The following SKIC8 variants were observed in gnomAD, a reference collection of about 807,000 sequenced individuals.
The protein encoded by SKIC8 is SKI8 subunit of superkiller complex.
the SKIC8 span, chr15:78,290,225 A>G: frequency 2.0e-6 from 2 of 1,017,770 alleles, no homozygotes; most frequent in Middle Eastern, 2.3e-4. Context: ...TCAGAAAATT[A>G]TGTTGTAAAG....
the SKIC8 span, chr15:78,289,609 T>G: frequency 1.3e-6 from 2 of 1,593,432 alleles, no homozygotes. Flanking sequence ...AATAAGATGA[T>G]GATATATACC....
At chr15:78,293,091 C>G in the SKIC8 span, 40 of 1,290,826 alleles carry the variant, frequency 3.1e-5, no homozygotes, top group East Asian at 3.5e-4. Context: ...ATTTCCCGGA[C>G]TGCAACTGGA....
At chr15:78,299,168 C>T in the SKIC8 span, among the ~76,000 whole-genome samples, 65,420 of 151,980 alleles carry the variant, frequency 0.43, 14,445 homozygotes, top group Admixed American at 0.52. Context: ...TCTGTCTGTA[C>T]CCGTCCAGTG....
At chr15:78,287,852 G>A in the SKIC8 span, among the ~76,000 whole-genome samples, 1 of 152,172 alleles carries the variant, frequency 6.6e-6, no homozygotes, top group African/African-American at 2.4e-5. Context: ...CTGTAGCAGG[G>A]CGGCTTATAA....
At chr15:78,288,429 T>A in the SKIC8 span, 1 of 1,571,298 alleles carries the variant, frequency 6.4e-7, no homozygotes, top group Non-Finnish European at 8.7e-7. Context: ...CACTGCCTCC[T>A]CACTCAGCTT....
the SKIC8 span, chr15:78,293,089 G>C: frequency 7.9e-7 from 1 of 1,273,674 alleles, no homozygotes; most frequent in African/African-American, 1.5e-5. Flanking sequence ...GTATTTCCCG[G>C]ACTGCAACTG....
At chr15:78,292,846 C>G in the SKIC8 span, 3 of 1,592,128 alleles carry the variant, frequency 1.9e-6, no homozygotes, top group Non-Finnish European at 2.6e-6. Flanking sequence ...TACCTGGCAT[C>G]TGAAATTCTG....
At chr15:78,284,083 A>T in the SKIC8 span, 1 of 152,046 alleles carries the variant, frequency 6.6e-6, no homozygotes, top group South Asian at 2.1e-4. Context: ...ACTGATTCAC[A>T]CCTCCTTCCC....
the SKIC8 span, chr15:78,285,450 G>A: frequency 1.0e-5 from 9 of 892,126 alleles, no homozygotes; most frequent in South Asian, 1.5e-5. Flanking sequence ...CCCATGCCTC[G>A]GTACAGGAAA....
At chr15:78,286,087 C>T in the SKIC8 span, 1 of 1,613,930 alleles carries the variant, frequency 6.2e-7, no homozygotes, top group South Asian at 1.1e-5. Flanking sequence ...ACGTTCAGCA[C>T]CCAGGAGGCA....
the SKIC8 span, chr15:78,286,137 A>C: frequency 1.2e-6 from 2 of 1,605,366 alleles, no homozygotes; most frequent in South Asian, 2.2e-5. Flanking sequence ...ATGTTGTCTG[A>C]AATGGGAAAG....
At chr15:78,294,902 A>C in the SKIC8 span, 3 of 1,613,458 alleles carry the variant, frequency 1.9e-6, no homozygotes, top group East Asian at 4.5e-5. Context: ...GGGACAACAC[A>C]GTTTTTTTCA....
the SKIC8 span, chr15:78,295,207 CA>C: frequency 6.9e-6 from 4 of 577,476 alleles, no homozygotes; most frequent in Non-Finnish European, 1.2e-5. Context: ...TCCTACTACC[CA>C]AACTCACTCA....
At chr15:78,289,713 C>A in the SKIC8 span, 1 of 1,613,326 alleles carries the variant, frequency 6.2e-7, no homozygotes, top group Non-Finnish European at 8.5e-7. Flanking sequence ...CATCAGGACT[C>A]TGTTCAGAGA....
At chr15:78,290,203 C>G in the SKIC8 span, 1 of 1,230,852 alleles carries the variant, frequency 8.1e-7, no homozygotes, top group Non-Finnish European at 1.1e-6. Flanking sequence ...ATCGGAGTAG[C>G]AGTGTCCTGA....
the SKIC8 span, chr15:78,285,851 G>T: frequency 2.0e-6 from 1 of 503,960 alleles, no homozygotes; most frequent in Non-Finnish European, 3.6e-6. Flanking sequence ...CTGTTTAAAA[G>T]GATTACTTGT....
chr15:78,297,302 C>T, the SKIC8 span, among the ~76,000 whole-genome samples: 1 of 152,190 alleles, frequency 6.6e-6, no homozygotes, highest in African/African-American at 2.4e-5. Flanking sequence ...CAGTTGAGAA[C>T]ATGTGCATCA....
the SKIC8 span, chr15:78,284,997 A>G: frequency 2.4e-6 from 1 of 416,398 alleles, no homozygotes; most frequent in Non-Finnish European, 4.3e-6. Flanking sequence ...ACGGCATTTA[A>G]AGGCTGTGGG....
chr15:78,288,259 A>G, the SKIC8 span: 2 of 1,596,642 alleles, frequency 1.3e-6, no homozygotes, highest in African/African-American at 2.7e-5. Flanking sequence ...GGGCATCAGT[A>G]GTAAGGGAGA....
Sources: gnomAD v4.1 joint callset for allele counts (sites outside exome capture counted in the v4.1 genomes callset) on GRCh38, gnomAD v4.1.1 for gene constraint, MANE v1.5 for transcripts, NCBI Gene and HGNC (gene_info 2026-07-23, HGNC 2026-07-21) for gene names.